The following ULK4 variants were observed in gnomAD, a reference collection of about 807,000 sequenced individuals.
The protein encoded by ULK4 is inactive serine/threonine-protein kinase ULK4.
ULK4 carries 133 observed loss-of-function variants against 160.6 expected under a neutral mutation model. The ratio of observed to expected loss-of-function variants is 0.83; its 90% CI spans 0.72 to 0.96. The LOEUF (loss-of-function observed/expected upper bound fraction) is 0.96, where lower values mean the gene tolerates loss of function less well. ULK4 is among the 40% of genes least tolerant of loss of function. ULK4 has a pLI of 0.00. For synonymous variants in ULK4, 534 were observed against 539.8 expected, an observed-to-expected ratio of 0.99 and a Z score of 0.15; for missense variants, 1,580 against 1,499.5, an observed-to-expected ratio of 1.05 and a Z score of -0.89.
In ULK4 at chr3:41,770,140, T is replaced by C. The variant is rs538760356; in HGVS notation, c.2194-15652A>G. Reference sequence around the variant, plus strand: ...TCACAATATACACACATAATCCGATTAATATGTATAAATTAATTTCATATT... The same window carrying C: ...TCACAATATACACACATAATCCGATCAATATGTATAAATTAATTTCATATT... On this transcript the variant is annotated intron_variant, in intron 21 of 36. Transcript: ENST00000301831. Among the ~76,000 whole-genome samples the C allele has an allele frequency of 3.9e-5, 6 of 152,350 alleles. No individual in the cohort carries two copies. In the South Asian group the frequency reaches 1.0e-3, roughly 26 times the overall value.
At chr3:41,499,279 T>C (rs757732273) in intron 32 of ULK4, among the ~76,000 whole-genome samples, 10 of 151,772 alleles carry the variant, frequency 6.6e-5, no homozygotes, top group Non-Finnish European at 1.0e-4. Context: ...AGAACCCCAA[T>C]AGACAACAGA....
intron 32 of ULK4, among the ~76,000 whole-genome samples, chr3:41,529,537 T>C (rs2086230724): frequency 6.6e-6 from 1 of 152,144 alleles, no homozygotes. Context: ...CAGGCTGGAG[T>C]GCAGTGGCAC....
chr3:41,582,170 A>C (rs981612999), intron 31 of ULK4, among the ~76,000 whole-genome samples: 5 of 152,078 alleles, frequency 3.3e-5, no homozygotes, highest in South Asian at 2.1e-4. Context: ...ATAAGATCTG[A>C]AGGTTTTGTA....
intron 35 of ULK4, among the ~76,000 whole-genome samples, chr3:41,293,429 C>T (rs907163282): frequency 1.2e-4 from 19 of 152,268 alleles, no homozygotes; most frequent in African/African-American, 4.6e-4. Context: ...TAACCCAGTG[C>T]TGGGCCAGTC....
chr3:41,553,091 C>G (rs957055502), intron 32 of ULK4, among the ~76,000 whole-genome samples: 1 of 151,964 alleles, frequency 6.6e-6, no homozygotes, highest in Non-Finnish European at 1.5e-5. Context: ...TCACCTCATA[C>G]AAAAATCAAC....
At chr3:41,600,920 G>C (rs1409213840) in intron 31 of ULK4, among the ~76,000 whole-genome samples, 1 of 152,210 alleles carries the variant, frequency 6.6e-6, no homozygotes, top group Non-Finnish European at 1.5e-5. Context: ...GGTAGCTCTA[G>C]TTGAGAAGAC....
At chr3:41,482,922 G>T (rs1282913566) in intron 32 of ULK4, among the ~76,000 whole-genome samples, 1 of 152,180 alleles carries the variant, frequency 6.6e-6, no homozygotes, top group Non-Finnish European at 1.5e-5. Flanking sequence ...TAAGGTACAT[G>T]AGATATTTTG....
chr3:41,679,370 C>T (rs1171651616), intron 29 of ULK4, among the ~76,000 whole-genome samples: 2 of 152,118 alleles, frequency 1.3e-5, no homozygotes, highest in Non-Finnish European at 2.9e-5. Flanking sequence ...AAAACTAAGG[C>T]TTGGAGACTG....
intron 35 of ULK4, among the ~76,000 whole-genome samples, chr3:41,362,708 T>C (rs1193264405): frequency 6.6e-5 from 10 of 152,174 alleles, no homozygotes; most frequent in Non-Finnish European, 1.5e-4. Flanking sequence ...AAACACTCAA[T>C]ACATGGGTAG....
chr3:41,789,553 CTT>C, intron 21 of ULK4, 106 bp downstream of exon 21: 3 of 1,143,136 alleles, frequency 2.6e-6, no homozygotes, highest in East Asian at 5.7e-5. Flanking sequence ...AAAAAGGCCT[CTT>C]GGGATAAAAA....
chr3:41,496,623 A>T (rs189142252), intron 32 of ULK4, among the ~76,000 whole-genome samples: 6 of 152,234 alleles, frequency 3.9e-5, no homozygotes, highest in Admixed American at 3.9e-4. Context: ...AGGACATCAG[A>T]AATCTGCATA....
At chr3:41,293,384 T>C (rs1443225004) in intron 35 of ULK4, among the ~76,000 whole-genome samples, 1 of 152,104 alleles carries the variant, frequency 6.6e-6, no homozygotes. Context: ...GAGAAGAATG[T>C]TATGGTAGTG....
chr3:41,411,219 T>G (rs910929306), intron 34 of ULK4, among the ~76,000 whole-genome samples: 1 of 152,116 alleles, frequency 6.6e-6, no homozygotes, highest in East Asian at 1.9e-4. Flanking sequence ...CACTCTATAA[T>G]TGAACCTGAA....
At chr3:41,287,946 C>G (rs1194408570) in intron 35 of ULK4, among the ~76,000 whole-genome samples, 5 of 152,118 alleles carry the variant, frequency 3.3e-5, no homozygotes, top group Admixed American at 6.5e-5. Flanking sequence ...TAGGTTGAAA[C>G]TTTTTTGGAT....
chr3:41,371,545 GAA>G (rs1160348674), intron 35 of ULK4, among the ~76,000 whole-genome samples: 1 of 152,212 alleles, frequency 6.6e-6, no homozygotes, highest in Non-Finnish European at 1.5e-5. Context: ...CTGACGAGCA[GAA>G]GAGAAGCCTG....
At chr3:41,499,507 G>C (rs7650140) in intron 32 of ULK4, among the ~76,000 whole-genome samples, 1 of 152,030 alleles carries the variant, frequency 6.6e-6, no homozygotes, top group African/African-American at 2.4e-5. Context: ...TTTATTGATC[G>C]GCACAAAATA....
At chr3:41,584,263 A>C (rs2030614157) in intron 31 of ULK4, among the ~76,000 whole-genome samples, 1 of 152,196 alleles carries the variant, frequency 6.6e-6, no homozygotes, top group Admixed American at 6.5e-5. Flanking sequence ...GCAATTCTGA[A>C]CTATGGATCA....
chr3:41,554,998 C>A (rs1319129071), intron 32 of ULK4, among the ~76,000 whole-genome samples: 1 of 151,982 alleles, frequency 6.6e-6, no homozygotes, highest in Non-Finnish European at 1.5e-5. Context: ...ATTAGAATTT[C>A]CGAGTAAGGT....
chr3:41,931,843 C>T lies in ULK4; in HGVS notation c.541+1G>A. ...TCTTTAAGCTTTCCAGGTCCACATA[C>T]CTTTGACTCTACTTTTCATGCTTTT... On this transcript the variant is annotated splice_donor_variant, in intron 5 of 36. Transcript: ENST00000301831. LOFTEE classifies it high-confidence loss of function. The T allele has an allele frequency of 1.9e-6, 3 of 1,613,974 alleles. No individual in the cohort carries two copies. The highest frequency in any genetic ancestry group is 1.7e-4 in the Middle Eastern group (1 of 6,060).
Sources: allele counts gnomAD v4.1 joint callset (sites outside exome capture counted in the v4.1 genomes callset), GRCh38; gene constraint gnomAD v4.1.1; transcripts MANE v1.5; gene names NCBI Gene and HGNC (gene_info 2026-07-23, HGNC 2026-07-21).